The following ZNRF1 variants were observed in gnomAD, a reference collection of about 807,000 sequenced individuals.
The protein encoded by ZNRF1 is zinc and ring finger 1.
A neutral mutation model predicts 18.4 loss-of-function variants in ZNRF1; 3 were observed. The ratio of observed to expected loss-of-function variants is 0.16; its 90% confidence interval spans 0.07 to 0.42. The LOEUF (loss-of-function observed/expected upper bound fraction) is 0.42. Among genes scored for constraint, ZNRF1 ranks in the 10% least tolerant of loss-of-function variants. ZNRF1 has a pLI of 0.99. For missense variants in ZNRF1, 310 were observed against 329.8 expected (o/e 0.94, Z 0.47); for synonymous variants, 157 against 144.2 (o/e 1.09, Z -0.64).
chr16:75,025,278 C>T lies in ZNRF1; in HGVS notation c.424+25183C>T, dbSNP rs149665204. 5.2e-3 allele frequency among the ~76,000 whole-genome samples: 788 copies of T among 152,198 alleles called. 6 individuals carry two copies. The highest frequency in any genetic ancestry group is 0.018 in the African/African-American group (738 of 41,532). ...AGAGATAGGGTTTCACAGTGTTAGC[C>T]AGGATAGTCTCGATCTCCTGACCTT... On this transcript the variant is annotated intron_variant, in intron 1 of 4. Transcript: ENST00000335325.
intron 1 of ZNRF1, among the ~76,000 whole-genome samples, chr16:75,021,444 C>A (rs956701899): frequency 6.6e-6 from 1 of 152,214 alleles, no homozygotes; most frequent in African/African-American, 2.4e-5. Context: ...GCCTTCCCTT[C>A]CTTCTTTTAT....
intron 2 of ZNRF1, among the ~76,000 whole-genome samples, chr16:75,094,132 C>G (rs1330284323): frequency 6.6e-6 from 1 of 152,214 alleles, no homozygotes; most frequent in African/African-American, 2.4e-5. Context: ...TGGTCGTCTC[C>G]TTGTCACGTT....
intron 1 of ZNRF1, among the ~76,000 whole-genome samples, chr16:75,091,792 C>G (rs1448031759): frequency 6.6e-6 from 1 of 152,020 alleles, no homozygotes. Flanking sequence ...CGGCTTCAGC[C>G]TCCCAGAGTA....
In ZNRF1 at chr16:75,043,790, C is replaced by CTTTTTT. The variant is rs59324869; in HGVS notation, c.424+43706_424+43711dup. Among the ~76,000 whole-genome samples the CTTTTTT allele has an allele frequency of 9.3e-5, 7 of 75,188 alleles. No individual in the cohort carries two copies. The East Asian group carries it at 1.0e-3, about 11-fold the overall frequency. 49.3% of individuals were successfully genotyped at this position (75,188 alleles called of 152,430 possible). A position where few individuals can be genotyped will look rare whatever the true frequency, so the allele number is the denominator to read the frequency against. On this transcript the variant is annotated intron_variant, in intron 1 of 4. Coordinates refer to ENST00000335325, the MANE Select transcript of ZNRF1 (RefSeq NM_032268.5). The stretch of plus-strand genomic sequence containing the variant: ...AGGAGCCAGCCATTCTTGCTTTGTA[C>CTTTTTT]TTTTTTTTTTTTTTTTGAGACAGAG...
intron 1 of ZNRF1, among the ~76,000 whole-genome samples, chr16:75,058,470 A>T (rs1321352704): frequency 6.6e-6 from 1 of 152,232 alleles, no homozygotes; most frequent in Non-Finnish European, 1.5e-5. Context: ...TGTTGCAGTC[A>T]GCAGGAACTA....
Position 75,031,349 on chromosome 16 carries a change from C to T in ZNRF1, c.424+31254C>T, listed in dbSNP as rs1189563580. Among the ~76,000 whole-genome samples the T allele has an allele frequency of 1.3e-5, 2 of 151,988 alleles. 1 individual carries two copies. Among genetic ancestry groups the T allele is most frequent in the Non-Finnish European group, 2.9e-5 (2 of 67,992 alleles). On this transcript the variant is annotated intron_variant, in intron 1 of 4. Coordinates refer to ENST00000335325, the MANE Select transcript of ZNRF1 (RefSeq NM_032268.5). ...GTTTCACCATGTTGGTCAGGATGGT[C>T]TCTATCTCCCGACCTCGTGATCTGC...
rs545249142 is a variant in ZNRF1, at chr16:75,062,282, C to T, written c.425-31290C>T. Reference sequence around the variant, plus strand: ...TGGGAAGCAGCGTGGAGCACAGCCCCGGGAGACGAAGGCAGCAGAGGCCCG... The same window carrying T: ...TGGGAAGCAGCGTGGAGCACAGCCCTGGGAGACGAAGGCAGCAGAGGCCCG... On this transcript the variant is annotated intron_variant, in intron 1 of 4. Coordinates refer to ENST00000335325, the MANE Select transcript of ZNRF1 (RefSeq NM_032268.5). Among the ~76,000 whole-genome samples, 207 of 152,314 alleles carry T rather than the reference C, an allele frequency of 1.4e-3. 2 individuals carry two copies. Among genetic ancestry groups the T allele is most frequent in the Middle Eastern group, 6.8e-3 (2 of 294 alleles).
At position 75,106,500 on chromosome 16, in the gene ZNRF1, T is replaced by G; in HGVS notation, c.645T>G (p.Phe215Leu). ...IYHKSCIDSWFEVNRSCPEHP... is the reference protein window; with the variant it reads ...IYHKSCIDSWLEVNRSCPEHP... ...CTCCCAGCTGCATAGACTCGTGGTT[T>G]GAAGTGAACAGATCTTGTCCGGAAC... is the stretch of plus-strand genomic sequence containing the variant. The change falls in exon 4 of 5, where the codon TTT becomes TTG. Residue 215 changes from phenylalanine (F) to leucine (L), a missense_variant. Around this residue, in one of 2 missense-constraint regions of ZNRF1, gnomAD observed 17 missense variants for 38.6 expected, o/e 0.44. Coordinates refer to ENST00000335325, the MANE Select transcript of ZNRF1 (RefSeq NM_032268.5). 1 of 1,614,110 alleles carries G rather than the reference T, an allele frequency of 6.2e-7. No individual in the cohort carries two copies. The highest frequency in any genetic ancestry group is 8.5e-7 in the Non-Finnish European group (1 of 1,180,012).
intron 1 of ZNRF1, among the ~76,000 whole-genome samples, chr16:75,087,768 G>A (rs2036091266): frequency 6.6e-6 from 1 of 152,258 alleles, no homozygotes; most frequent in South Asian, 2.1e-4. Context: ...GGAGATGATT[G>A]CCTACGGTGA....
At chr16:75,015,452 G>A (rs1226702517) in intron 1 of ZNRF1, among the ~76,000 whole-genome samples, 1 of 152,166 alleles carries the variant, frequency 6.6e-6, no homozygotes, top group East Asian at 1.9e-4. Flanking sequence ...GCACATGCTT[G>A]TAATCCCAGC....
chr16:75,081,047 C>T (rs1734952037), intron 1 of ZNRF1, among the ~76,000 whole-genome samples: 1 of 152,140 alleles, frequency 6.6e-6, no homozygotes, highest in African/African-American at 2.4e-5. Context: ...GTGGTGCGCG[C>T]CTGTAGTTCC....
chr16:75,081,881 G>A (rs1394261639), intron 1 of ZNRF1, among the ~76,000 whole-genome samples: 2 of 152,150 alleles, frequency 1.3e-5, no homozygotes, highest in Non-Finnish European at 2.9e-5. Flanking sequence ...GTGTTTCCCT[G>A]GAGACTTTAC....
At chr16:75,106,936 C>G (rs1215073471) in intron 4 of ZNRF1, 2 of 226,312 alleles carry the variant, frequency 8.8e-6, no homozygotes, top group Non-Finnish European at 1.8e-5. Context: ...TCCTCGCTCA[C>G]CTCTGAGTCT....
intron 1 of ZNRF1, among the ~76,000 whole-genome samples, chr16:75,064,158 A>G (rs2145392019): frequency 6.6e-6 from 1 of 152,054 alleles, no homozygotes; most frequent in Middle Eastern, 3.4e-3. Flanking sequence ...AAAAACAGCC[A>G]GGGGTGGTGG....
At chr16:75,008,910 T>C (rs2034958973) in intron 1 of ZNRF1, among the ~76,000 whole-genome samples, 1 of 152,238 alleles carries the variant, frequency 6.6e-6, no homozygotes, top group Non-Finnish European at 1.5e-5. Flanking sequence ...GCAGGTGATC[T>C]TTTCTTTGTG....
intron 1 of ZNRF1, among the ~76,000 whole-genome samples, chr16:75,040,599 T>G (rs56396429): frequency 0.038 from 182 of 4,774 alleles, no homozygotes; most frequent in Middle Eastern, 0.17. Context: ...TTTTTGTGGG[T>G]TTTTTTTTTT....
At chr16:75,103,793 C>T (rs559346043) in intron 2 of ZNRF1, among the ~76,000 whole-genome samples, 43 of 152,040 alleles carry the variant, frequency 2.8e-4, no homozygotes, top group Non-Finnish European at 5.4e-4. Flanking sequence ...GAGACCAGCC[C>T]GGCCAACATG....
intron 1 of ZNRF1, among the ~76,000 whole-genome samples, chr16:75,003,354 G>A (rs754937165): frequency 2.4e-4 from 37 of 152,318 alleles, no homozygotes; most frequent in Non-Finnish European, 4.4e-4. Flanking sequence ...GTGAGAGCAG[G>A]ACTGTGTTCC....
intron 1 of ZNRF1, among the ~76,000 whole-genome samples, chr16:75,048,972 T>TTTA (rs1366079615): frequency 6.6e-6 from 1 of 152,130 alleles, no homozygotes; most frequent in East Asian, 1.9e-4. Flanking sequence ...CCTTCCATTC[T>TTTA]TTATTAGTTT....
Sources: allele counts gnomAD v4.1 joint callset (sites outside exome capture counted in the v4.1 genomes callset), GRCh38; gene constraint gnomAD v4.1.1; regional missense constraint gnomAD v4.1.1; transcripts MANE v1.5; gene names NCBI Gene and HGNC (gene_info 2026-07-23, HGNC 2026-07-21).